Variants in THTPA observed in about 807,000 individuals in gnomAD.
THTPA encodes thiamine-triphosphatase.
In THTPA, 16 loss-of-function variants were observed where a neutral mutation model predicts 16.5. The observed-to-expected ratio is 0.97, with a 90% CI of 0.66 to 1.47. THTPA has a LOEUF of 1.47. Ranked by LOEUF, THTPA falls within the 40% of genes most tolerant of loss-of-function variation. THTPA has a pLI of 0.00. For synonymous variants in THTPA, 110 were observed against 115.5 expected (o/e 0.95, Z 0.30); for missense variants, 281 against 280.9 (o/e 1.00, Z 0.00).
upstream of THTPA, among the ~76,000 whole-genome samples, chr14:23,554,461 T>C (rs1049957693): frequency 2.0e-5 from 3 of 152,050 alleles, no homozygotes; most frequent in African/African-American, 7.2e-5. Context: ...TCACTGCCCT[T>C]GACCTCCTGG....
At chr14:23,534,164 G>T in the THTPA span, 2 of 1,473,098 alleles carry the variant, frequency 1.4e-6, no homozygotes, top group East Asian at 2.5e-5. This position sits in a 1 kb window ranked among gnomAD's most constrained non-coding sequence, Gnocchi z 4.5. Context: ...TGGTTGAGTG[G>T]GGGGCAGAGC....
the THTPA span, chr14:23,534,262 G>A: frequency 2.0e-6 from 3 of 1,529,428 alleles, no homozygotes; most frequent in Non-Finnish European, 2.6e-6. The surrounding 1 kb of genome is among the most constrained non-coding windows in gnomAD (Gnocchi z 4.5). Context: ...GGTTGGGCTG[G>A]GGTCCCAGGT....
chr14:23,557,361 G>C, intron 1 of THTPA, 57 bp downstream of exon 1: 1 of 1,485,946 alleles, frequency 6.7e-7, no homozygotes, highest in East Asian at 2.4e-5. Flanking sequence ...TCTTTTGGAG[G>C]CACCTGCTGG....
At chr14:23,530,518 C>G in the THTPA span, 4 of 544,832 alleles carry the variant, frequency 7.3e-6, no homozygotes, top group Admixed American at 9.7e-5. Context: ...AAATGGGAAG[C>G]CCCAGAGAAA....
the THTPA span, among the ~76,000 whole-genome samples, chr14:23,516,351 A>G: frequency 8.5e-5 from 13 of 152,222 alleles, no homozygotes; most frequent in East Asian, 2.5e-3. Flanking sequence ...TTATGCTGAC[A>G]TGTTTGGGAT....
chr14:23,537,424 C>G, the THTPA span, among the ~76,000 whole-genome samples: 1 of 152,066 alleles, frequency 6.6e-6, no homozygotes, highest in African/African-American at 2.4e-5. Context: ...GGCGTGGCCT[C>G]TCTTTTCCTG....
the THTPA span, chr14:23,534,932 C>T: frequency 6.5e-7 from 1 of 1,536,172 alleles, no homozygotes; most frequent in South Asian, 1.2e-5. This position sits in a 1 kb window ranked among gnomAD's most constrained non-coding sequence, Gnocchi z 4.5. Context: ...TCACTGCCAC[C>T]TGGCAGGGAC....
At chr14:23,534,675 G>C in the THTPA span, 1 of 1,536,198 alleles carries the variant, frequency 6.5e-7, no homozygotes, top group Non-Finnish European at 8.7e-7. This position sits in a 1 kb window ranked among gnomAD's most constrained non-coding sequence, Gnocchi z 4.5. Flanking sequence ...TGGGATCTCC[G>C]GGTGGATTTG....
chr14:23,534,103 G>A, the THTPA span: 1 of 1,495,090 alleles, frequency 6.7e-7, no homozygotes, highest in African/African-American at 1.4e-5. The surrounding 1 kb of genome is among the most constrained non-coding windows in gnomAD (Gnocchi z 4.5). Context: ...GTCTTCGGGG[G>A]AGCCCACTGG....
chr14:23,530,354 C>T, the THTPA span: 1 of 706,202 alleles, frequency 1.4e-6, no homozygotes, highest in Middle Eastern at 2.3e-4. Context: ...AAAGAAACAC[C>T]CACACAGAAG....
At chr14:23,514,296 A>C in the THTPA span, 1 of 152,350 alleles carries the variant, frequency 6.6e-6, no homozygotes, top group African/African-American at 2.4e-5. Context: ...GAGTGGCATG[A>C]AGACACAAAG....
upstream of THTPA, among the ~76,000 whole-genome samples, chr14:23,551,001 C>T (rs1881892271): frequency 6.6e-6 from 1 of 152,016 alleles, no homozygotes; most frequent in Non-Finnish European, 1.5e-5. This position sits in a 1 kb window ranked among gnomAD's most constrained non-coding sequence, Gnocchi z 5.3. Context: ...CCCAACTCGG[C>T]GCGGTCCGTC....
chr14:23,524,536 G>C, the THTPA span: 530 of 1,527,254 alleles, frequency 3.5e-4, 3 homozygotes, highest in Admixed American at 7.5e-3. The surrounding 1 kb of genome is among the most constrained non-coding windows in gnomAD (Gnocchi z 5.6). Flanking sequence ...CTAGGAGTTG[G>C]GGGGGAGCAC....
chr14:23,515,225 G>A, the THTPA span, among the ~76,000 whole-genome samples: 6 of 152,190 alleles, frequency 3.9e-5, no homozygotes, highest in Non-Finnish European at 1.5e-5. Context: ...TGGGTGATGG[G>A]GTGGTTTGTA....
At chr14:23,525,037 A>G in the THTPA span, 1 of 1,536,210 alleles carries the variant, frequency 6.5e-7, no homozygotes, top group Non-Finnish European at 8.7e-7. The surrounding 1 kb of genome is among the most constrained non-coding windows in gnomAD (Gnocchi z 5.9). Context: ...CCACACGGCT[A>G]GCCAGACCCA....
the THTPA span, among the ~76,000 whole-genome samples, chr14:23,529,087 C>T: frequency 2.0e-5 from 3 of 152,250 alleles, no homozygotes; most frequent in African/African-American, 7.2e-5. Flanking sequence ...ATAAATGTTA[C>T]ATATTGTAGT....
At chr14:23,539,401 A>G in the THTPA span, among the ~76,000 whole-genome samples, 1 of 152,210 alleles carries the variant, frequency 6.6e-6, no homozygotes, top group African/African-American at 2.4e-5. Context: ...GATACACATT[A>G]GGACCCAGAA....
the THTPA span, chr14:23,523,962 G>A: frequency 5.2e-6 from 8 of 1,534,374 alleles, no homozygotes; most frequent in Non-Finnish European, 7.0e-6. The surrounding 1 kb of genome is among the most constrained non-coding windows in gnomAD (Gnocchi z 4.1). Context: ...GGTAGAGGTG[G>A]CTCTGGTGTT....
At chr14:23,533,157 G>A in the THTPA span, 1 of 1,457,146 alleles carries the variant, frequency 6.9e-7, no homozygotes, top group Non-Finnish European at 9.0e-7. The surrounding 1 kb of genome is among the most constrained non-coding windows in gnomAD (Gnocchi z 4.8). Context: ...GGGGAGGTGG[G>A]TTAATGAGTA....
Sources: allele counts gnomAD v4.1 joint callset (sites outside exome capture counted in the v4.1 genomes callset), GRCh38; gene constraint gnomAD v4.1.1; non-coding constraint Gnocchi (gnomAD v3.1); transcripts MANE v1.5; gene names NCBI Gene and HGNC (gene_info 2026-07-23, HGNC 2026-07-21).